The following IP6K1 variants were observed in gnomAD, a reference collection of about 807,000 sequenced individuals.
IP6K1 encodes the protein inositol hexakisphosphate kinase 1.
A neutral mutation model predicts 38.3 loss-of-function variants in IP6K1; 13 were observed. The observed-to-expected ratio is 0.34, with a 90% CI of 0.22 to 0.54. IP6K1 has a LOEUF of 0.54. Ranked by LOEUF, IP6K1 falls within the 20% of genes least tolerant of loss-of-function variation. The pLI is 0.92. For missense variants in IP6K1, 397 were observed against 599.8 expected (o/e 0.66, Z 3.53); for synonymous variants, 212 against 229.9 (o/e 0.92, Z 0.70).
intron 2 of IP6K1, among the ~76,000 whole-genome samples, chr3:49,741,632 T>TTA (rs1354808052): frequency 6.6e-6 from 1 of 152,200 alleles, no homozygotes; most frequent in Non-Finnish European, 1.5e-5. Flanking sequence ...CTAGGAAACT[T>TTA]TAACAGTCCC....
At chr3:49,769,046 G>A (rs2080934638) in intron 1 of IP6K1, among the ~76,000 whole-genome samples, 2 of 151,732 alleles carry the variant, frequency 1.3e-5, no homozygotes, top group South Asian at 4.2e-4. Flanking sequence ...AAATGTCTTG[G>A]GTCAAATTTA....
At chr3:49,760,541 T>C (rs1469347877) in intron 1 of IP6K1, among the ~76,000 whole-genome samples, 1 of 150,630 alleles carries the variant, frequency 6.6e-6, no homozygotes, top group Non-Finnish European at 1.5e-5. Flanking sequence ...GGAGAATCAC[T>C]TGAACCCGGG....
At chr3:49,769,324 A>G (rs1380064861) in intron 1 of IP6K1, among the ~76,000 whole-genome samples, 1 of 152,218 alleles carries the variant, frequency 6.6e-6, no homozygotes, top group African/African-American at 2.4e-5. Flanking sequence ...ATCTTGATAA[A>G]CAATAAAGTT....
chr3:49,728,188 G>A lies in IP6K1; in HGVS notation c.707C>T (p.Ala236Val), dbSNP rs753436945. The A allele has an allele frequency of 4.3e-6, 7 of 1,613,998 alleles. No homozygotes were observed. Among genetic ancestry groups the A allele is most frequent in the Non-Finnish European group, 5.9e-6 (7 of 1,180,038 alleles). Residue 236 changes from alanine to valine, a missense_variant, in exon 5 of 6, where the codon GCG (alanine) becomes GTG (valine). Ala to Val is a moderately conservative substitution (Grantham distance 64). This residue lies in a region of IP6K1 where 62 missense variants were observed against 149.2 expected (regional missense o/e 0.42). Coordinates refer to ENST00000321599, the MANE Select transcript of IP6K1 (RefSeq NM_153273.4). ...CTGCCGGGCTGCCTTCTCAGCTGAC[G>A]CGTCATCGCCATGCTGCCGCGTGCC... ...KMGTRQHGDD[A>V]SAEKAARQMR...
intron 2 of IP6K1, among the ~76,000 whole-genome samples, chr3:49,746,653 AAC>A (rs1309275871): frequency 5.3e-5 from 8 of 149,948 alleles, no homozygotes; most frequent in Non-Finnish European, 8.9e-5. Context: ...CTAGCCTGGC[AAC>A]AGAGAGAAAC....
chr3:49,760,623 CAAAAAAA>C (rs56070382), intron 1 of IP6K1, among the ~76,000 whole-genome samples: 2 of 100,374 alleles, frequency 2.0e-5, no homozygotes, highest in Admixed American at 1.1e-4. Context: ...GACTTCGTCT[CAAAAAAA>C]AAAAAAAAAA....
intron 2 of IP6K1, among the ~76,000 whole-genome samples, chr3:49,739,231 C>A (rs1483394520): frequency 1.3e-5 from 2 of 152,094 alleles, no homozygotes. Flanking sequence ...CTCAGATGTA[C>A]ACAGTTGGCT....
At position 49,769,940 on chromosome 3, in the gene IP6K1, A is replaced by C. The variant is rs139607815; in HGVS notation, c.-129+16414T>G. ...TGAAAACAGATCCTCTAAGCCAAGCATGGTGGCTCAGGCCTATAATCCCAA... is the reference window on the plus strand; with the variant it reads ...TGAAAACAGATCCTCTAAGCCAAGCCTGGTGGCTCAGGCCTATAATCCCAA... On this transcript the variant is annotated intron_variant, in intron 1 of 5. Transcript: ENST00000321599. Among the ~76,000 whole-genome samples, 767 of 152,332 alleles carry C rather than the reference A, an allele frequency of 5.0e-3. 9 individuals carry two copies. Among genetic ancestry groups the C allele is most frequent in the African/African-American group, 0.017 (696 of 41,582 alleles).
At chr3:49,735,189 T>C (rs976012640) in intron 3 of IP6K1, among the ~76,000 whole-genome samples, 3 of 152,134 alleles carry the variant, frequency 2.0e-5, no homozygotes, top group African/African-American at 7.2e-5. Flanking sequence ...ACCCTATCTC[T>C]ACAAAAAATT....
intron 4 of IP6K1, among the ~76,000 whole-genome samples, chr3:49,731,886 T>TAAAAAAAAAAAAAAAAAAAAAA (rs2080564783): frequency 4.7e-5 from 1 of 21,386 alleles, no homozygotes; most frequent in Admixed American, 7.6e-4. Flanking sequence ...AGACTCTGTC[T>TAAAAAAAAAAAAAAAAAAAAAA]CAAAAAAAAA....
chr3:49,768,875 G>A (rs1192923533), intron 1 of IP6K1, among the ~76,000 whole-genome samples: 2 of 152,108 alleles, frequency 1.3e-5, no homozygotes, highest in East Asian at 3.8e-4. Context: ...ATATAATGGG[G>A]AGAGTTCCTA....
In IP6K1 at chr3:49,726,801, T is replaced by G. The variant is rs2080507734; in HGVS notation, c.*321A>C. On this transcript the variant is annotated 3_prime_UTR_variant, in exon 6 of 6. Transcript: ENST00000321599. ...GCCCTGCAGCCACAGATCTCAAAGA[T>G]CTAGACAAGAGAAACCAATGTCCAA... The G allele has an allele frequency of 2.4e-6, 1 of 414,230 alleles. No individual in the cohort carries two copies. The highest frequency in any genetic ancestry group is 8.2e-5 in the South Asian group (1 of 12,180). The allele number at this position is 414,230 out of a possible 1,614,324, so 25.7% of individuals were successfully genotyped here. A position where few individuals can be genotyped will look rare whatever the true frequency, so the allele number is the denominator to read the frequency against.
At chr3:49,743,237 A>ACACACAC (rs754619018) in intron 2 of IP6K1, among the ~76,000 whole-genome samples, 17 of 59,820 alleles carry the variant, frequency 2.8e-4, no homozygotes, top group East Asian at 7.5e-4. Flanking sequence ...AAACAAAAAC[A>ACACACAC]AAATACACAC....
At chr3:49,735,154 A>G (rs1460480602) in intron 3 of IP6K1, among the ~76,000 whole-genome samples, 1 of 152,192 alleles carries the variant, frequency 6.6e-6, no homozygotes, top group Non-Finnish European at 1.5e-5. Context: ...CAGGAGTTTC[A>G]GACCACCCCG....
intron 3 of IP6K1, among the ~76,000 whole-genome samples, chr3:49,734,567 A>AGGAG (rs200760231): frequency 0.24 from 36,307 of 151,418 alleles, 4,878 homozygotes; most frequent in Non-Finnish European, 0.31. Flanking sequence ...AACCCTCTCC[A>AGGAG]AGGGTCAGCT....
intron 1 of IP6K1, among the ~76,000 whole-genome samples, chr3:49,784,804 G>T (rs1175484399): frequency 6.6e-6 from 1 of 151,938 alleles, no homozygotes; most frequent in Non-Finnish European, 1.5e-5. Context: ...AATTAGCCAG[G>T]TGTGGTGGCA....
chr3:49,733,083 A>C, intron 3 of IP6K1, 111 bp from the exon 4 acceptor site: 1 of 704,188 alleles, frequency 1.4e-6, no homozygotes. Context: ...AGACCCTGCT[A>C]ATGGGTTGCA....
rs754445993 is a variant in IP6K1, at chr3:49,747,953, T to C, written c.88A>G (p.Ile30Val). 12 of 1,614,126 alleles carry C rather than the reference T, an allele frequency of 7.4e-6. No homozygotes were observed. Among genetic ancestry groups the C allele is most frequent in the Non-Finnish European group, 1.0e-5 (12 of 1,180,010 alleles). The change falls in exon 2 of 6, where the codon ATC (isoleucine) becomes GTC (valine). Residue 30 changes from isoleucine to valine, a missense_variant. Ile to Val is a conservative substitution (Grantham distance 29, BLOSUM62 3). Around this residue, in one of 3 missense-constraint regions of IP6K1, gnomAD observed 171 missense variants for 237.0 expected, o/e 0.72. Coordinates refer to ENST00000321599, the MANE Select transcript of IP6K1 (RefSeq NM_153273.4). ...GDRGVLLEPF[I>V]HQVGGHSSMM... ...CTGCTGTGTCCGCCTACTTGGTGGA[T>C]GAAGGGCTCCAGGAGGACTCCCCGG...
intron 1 of IP6K1, among the ~76,000 whole-genome samples, chr3:49,779,624 T>G (rs546299410): frequency 5.9e-5 from 9 of 152,318 alleles, no homozygotes; most frequent in African/African-American, 2.2e-4. Flanking sequence ...CGACATCATC[T>G]GATTTTTTTT....
Sources: allele counts gnomAD v4.1 joint callset (sites outside exome capture counted in the v4.1 genomes callset), GRCh38; gene constraint gnomAD v4.1.1; regional missense constraint gnomAD v4.1.1; transcripts MANE v1.5; gene names NCBI Gene and HGNC (gene_info 2026-07-23, HGNC 2026-07-21).